B3GAT2: variants seen among roughly 807,000 people sequenced by gnomAD.
The protein encoded by B3GAT2 is galactosylgalactosylxylosylprotein 3-beta-glucuronosyltransferase 2.
A neutral mutation model predicts 27.8 loss-of-function variants in B3GAT2; 26 were observed. The ratio of observed to expected loss-of-function variants is 0.93; its 90% CI spans 0.68 to 1.30. B3GAT2 has a LOEUF of 1.30. Among genes scored for constraint, B3GAT2 ranks in the 50% most tolerant of loss-of-function variants. B3GAT2 has a pLI of 0.00. For synonymous variants in B3GAT2, 218 were observed against 195.1 expected, an observed-to-expected ratio of 1.12 and a Z score of -0.98; for missense variants, 458 against 459.0, an observed-to-expected ratio of 1.00 and a Z score of 0.02.
rs547613664 is a variant in B3GAT2 at position 70,938,991 on chromosome 6, A to C, written c.591+16848T>G. Among the ~76,000 whole-genome samples, 121 of 152,136 alleles carry C rather than the reference A, an allele frequency of 8.0e-4. No homozygotes were observed. The South Asian group carries it at 0.024, about 31-fold the overall frequency. ...TACAAAATGGGAGAAAATATTCGCAACCTACTCATCTGACAAAGGGCTAAT... is the reference window on the plus strand; with the variant it reads ...TACAAAATGGGAGAAAATATTCGCACCCTACTCATCTGACAAAGGGCTAAT... On this transcript the variant is annotated intron_variant, in intron 1 of 3. Coordinates refer to ENST00000230053, the MANE Select transcript of B3GAT2 (RefSeq NM_080742.3).
At chr6:70,863,724 A>G (rs1771803733) in intron 2 of B3GAT2, among the ~76,000 whole-genome samples, 1 of 152,242 alleles carries the variant, frequency 6.6e-6, no homozygotes, top group South Asian at 2.1e-4. Context: ...AGCACTGTTC[A>G]AAAGATACTA....
rs969838685 is a variant in B3GAT2 at position 70,955,748 on chromosome 6, C to A, written c.591+91G>T. On this transcript the variant is annotated intron_variant, in intron 1 of 3. Transcript: ENST00000230053. ...GGAGAACTGAGAACTCAAAAGTGCA[C>A]CCGGAGTGCAAGGGGCGTGTGACTG... 7 of 1,378,582 alleles carry A rather than the reference C, an allele frequency of 5.1e-6. No homozygotes were observed. In the African/African-American group the frequency reaches 1.1e-4, roughly 21 times the overall value. 85.4% of individuals were successfully genotyped at this position (1,378,582 alleles called of 1,614,324 possible).
At chr6:70,862,005 A>G in intron 2 of B3GAT2, 27 bp from the exon 3 acceptor site, 1 of 1,550,108 alleles carries the variant, frequency 6.5e-7, no homozygotes, top group Non-Finnish European at 8.7e-7. Flanking sequence ...AAAAAAAAAG[A>G]GACTTTAAAA....
chr6:70,904,468 G>T (rs1422558225), intron 1 of B3GAT2, among the ~76,000 whole-genome samples: 1 of 152,196 alleles, frequency 6.6e-6, no homozygotes. Context: ...CCAACTCTTG[G>T]TTTGTAAATA....
intron 2 of B3GAT2, among the ~76,000 whole-genome samples, chr6:70,887,942 C>T (rs541174242): frequency 1.3e-4 from 20 of 150,464 alleles, no homozygotes; most frequent in Admixed American, 4.6e-4. Context: ...AGGGGTGGGC[C>T]GGGCAGGGCC....
intron 2 of B3GAT2, among the ~76,000 whole-genome samples, chr6:70,892,232 T>C (rs1772301841): frequency 6.6e-6 from 1 of 152,212 alleles, no homozygotes; most frequent in Admixed American, 6.5e-5. Flanking sequence ...GAAAAAAGAA[T>C]TCCCACAGAA....
chr6:70,884,241 T>C (rs1004443114), intron 2 of B3GAT2, among the ~76,000 whole-genome samples: 2 of 152,202 alleles, frequency 1.3e-5, no homozygotes, highest in South Asian at 2.1e-4. Context: ...TGCGAAGCCA[T>C]GGGGAGACCC....
intron 1 of B3GAT2, among the ~76,000 whole-genome samples, chr6:70,903,568 A>C (rs1010827217): frequency 9.5e-4 from 145 of 152,304 alleles, no homozygotes; most frequent in African/African-American, 3.3e-3. Context: ...TTTCATCAAG[A>C]TATATGAATG....
At chr6:70,934,551 T>G (rs1167033713) in intron 1 of B3GAT2, among the ~76,000 whole-genome samples, 2 of 152,180 alleles carry the variant, frequency 1.3e-5, no homozygotes, top group African/African-American at 4.8e-5. Context: ...AATAAATCCT[T>G]TGGGGCAACC....
chr6:70,951,300 C>T (rs573865669), intron 1 of B3GAT2, among the ~76,000 whole-genome samples: 2 of 152,070 alleles, frequency 1.3e-5, no homozygotes, highest in Non-Finnish European at 2.9e-5. Context: ...TTGCAGCATG[C>T]CTTAAAAGCA....
chr6:70,916,057 G>C (rs1221239679), intron 1 of B3GAT2, among the ~76,000 whole-genome samples: 2 of 152,040 alleles, frequency 1.3e-5, no homozygotes, highest in African/African-American at 4.8e-5. Context: ...CCATTTGTTT[G>C]TATCCTCTTT....
intron 1 of B3GAT2, among the ~76,000 whole-genome samples, chr6:70,920,005 C>T (rs576913865): frequency 3.3e-5 from 5 of 152,280 alleles, no homozygotes; most frequent in South Asian, 4.1e-4. Flanking sequence ...GCCCTGCCCC[C>T]GAGGTAGAAT....
At chr6:70,907,312 C>A (rs1294531565) in intron 1 of B3GAT2, among the ~76,000 whole-genome samples, 2 of 152,188 alleles carry the variant, frequency 1.3e-5, no homozygotes, top group Non-Finnish European at 2.9e-5. Context: ...TCTGTCCCAG[C>A]ACATTGCCAT....
intron 2 of B3GAT2, among the ~76,000 whole-genome samples, chr6:70,888,126 G>A (rs564454685): frequency 3.3e-5 from 5 of 152,184 alleles, no homozygotes; most frequent in Non-Finnish European, 4.4e-5. Flanking sequence ...CCAGCCAGGC[G>A]TGATCACTGT....
chr6:70,930,520 A>C (rs954027655), intron 1 of B3GAT2, among the ~76,000 whole-genome samples: 1 of 152,212 alleles, frequency 6.6e-6, no homozygotes, highest in Non-Finnish European at 1.5e-5. Flanking sequence ...ACCCCATCAA[A>C]AAGTGGGCGA....
rs1414502465 is a variant in B3GAT2 at position 70,956,259 on chromosome 6, G to C, written c.171C>G (p.Gly57=). The change falls in exon 1 of 4, where the codon GGC becomes GGG. Residue 57 remains glycine, a synonymous_variant. Transcript: ENST00000230053. ...GCTTTTGGGTCCCGTGAGCCGGGCC[G>C]CCCCTGCGGAGCGGGAGTCGGGCGC... ...RGGARLPLRR[G]GPAHGTQKRN... 5 of 1,610,640 alleles carry C rather than the reference G, an allele frequency of 3.1e-6. No homozygotes were observed. Among genetic ancestry groups the C allele is most frequent in the Non-Finnish European group, 4.2e-6 (5 of 1,178,268 alleles).
rs549549116 is a variant in B3GAT2 at position 70,871,528 on chromosome 6, AT to A, written c.737-9551del. Among the ~76,000 whole-genome samples the A allele has an allele frequency of 2.7e-3, 412 of 151,978 alleles. 2 individuals are homozygous for A. The highest frequency in any genetic ancestry group is 9.4e-3 in the African/African-American group (391 of 41,530). On this transcript the variant is annotated intron_variant, in intron 2 of 3. Coordinates refer to ENST00000230053, the MANE Select transcript of B3GAT2 (RefSeq NM_080742.3). ...AGGTTATCTAATTTGTTGCAATACA[AT>A]TTTTTAAAGTATTCTCATAAAATTT...
intron 2 of B3GAT2, among the ~76,000 whole-genome samples, chr6:70,882,001 T>G (rs541958157): frequency 6.6e-6 from 1 of 152,144 alleles, no homozygotes; most frequent in Non-Finnish European, 1.5e-5. Flanking sequence ...GTAAAATTTA[T>G]TACAGTTAAT....
Position 70,955,907 on chromosome 6 carries a change from G to A in B3GAT2, c.523C>T (p.Arg175Cys). The A allele has an allele frequency of 2.5e-6, 4 of 1,601,346 alleles. No individual in the cohort carries two copies. The highest frequency in any genetic ancestry group is 3.4e-6 in the Non-Finnish European group (4 of 1,175,236). The change falls in exon 1 of 4, where the codon CGC becomes TGC. Residue 175 changes from arginine (R) to cysteine (C), a missense_variant. Coordinates refer to ENST00000230053, the MANE Select transcript of B3GAT2 (RefSeq NM_080742.3). Reference sequence around the variant, plus strand: ...AAGAAGAGCACGCCGGGCTGCGCGCGCTGGTGCTGGTGCCTCTGGCGCAGC... The same window carrying A: ...AAGAAGAGCACGCCGGGCTGCGCGCACTGGTGCTGGTGCCTCTGGCGCAGC... ...AWLRQRHQHQ[R>C]AQPGVLFFAD...
Sources: gnomAD v4.1 joint callset for allele counts (sites outside exome capture counted in the v4.1 genomes callset) on GRCh38, gnomAD v4.1.1 for gene constraint, MANE v1.5 for transcripts, NCBI Gene and HGNC (gene_info 2026-07-23, HGNC 2026-07-21) for gene names.